COLEC11: variants seen among roughly 807,000 people sequenced by gnomAD.
COLEC11 encodes collectin-11.
COLEC11 carries 20 observed loss-of-function variants against 27.3 expected under a neutral mutation model. The observed-to-expected ratio is 0.73, with a 90% confidence interval of 0.51 to 1.06. The LOEUF is 1.06. Ranked by LOEUF, COLEC11 falls within the 50% of genes least tolerant of loss-of-function variation. COLEC11 has a pLI of 0.00. For synonymous variants in COLEC11, 163 were observed against 154.7 expected (o/e 1.05, Z -0.40); for missense variants, 310 against 383.0 (o/e 0.81, Z 1.59).
At chr2:3,629,887 G>A (rs902708449) in intron 3 of COLEC11, among the ~76,000 whole-genome samples, 2 of 152,194 alleles carry the variant, frequency 1.3e-5, no homozygotes, top group Non-Finnish European at 2.9e-5. Context: ...ATCCACGTAT[G>A]TAGGTTTGTA....
chr2:3,606,557 C>G (rs771937526), intron 2 of COLEC11, among the ~76,000 whole-genome samples: 109 of 152,146 alleles, frequency 7.2e-4, no homozygotes, highest in Non-Finnish European at 1.5e-3. Flanking sequence ...AGTGGTGGCA[C>G]CAGGAGTGGG....
intron 1 of COLEC11, among the ~76,000 whole-genome samples, chr2:3,596,037 T>C (rs1661815245): frequency 6.6e-6 from 1 of 152,156 alleles, no homozygotes; most frequent in South Asian, 2.1e-4. Context: ...TGGGGGAAGA[T>C]AAGAGAGGAT....
In COLEC11 at chr2:3,602,920, T is replaced by C. The variant is rs1440317029; in HGVS notation, c.-26-1395T>C. Among the ~76,000 whole-genome samples, 2 of 152,160 alleles carry C rather than the reference T, an allele frequency of 1.3e-5. No individual in the cohort carries two copies. Among genetic ancestry groups the C allele is most frequent in the East Asian group, 3.9e-4 (2 of 5,176 alleles). On this transcript the variant is annotated intron_variant, in intron 1 of 6. Transcript: ENST00000349077. The surrounding 1 kb of genome is among the most constrained non-coding windows in gnomAD (Gnocchi z 6.2). ...CCCACGGCGCTTACCCCTGCCTCTG[T>C]CTGTCTCTGTCTGTCTGTCTGTCTG...
chr2:3,631,249 TAAAA>T (rs965848055), intron 3 of COLEC11, among the ~76,000 whole-genome samples: 1 of 150,718 alleles, frequency 6.6e-6, no homozygotes, highest in Non-Finnish European at 1.5e-5. Flanking sequence ...AAGAAAAAAT[TAAAA>T]AAAAAGATGC....
At position 3,595,947 on chromosome 2, in the gene COLEC11, T is replaced by C. The variant is rs115105098; in HGVS notation, c.-27+779T>C. Among the ~76,000 whole-genome samples, 1,190 of 152,352 alleles carry C rather than the reference T, an allele frequency of 7.8e-3. 18 individuals are homozygous for C. The highest frequency in any genetic ancestry group is 0.027 in the African/African-American group (1,134 of 41,574). ...GTAGGCAGAGCACTGCCCCAATCTT[T>C]CACAGCTATTCGATTTTGTTTACAA... On this transcript the variant is annotated intron_variant, in intron 1 of 6. Coordinates refer to ENST00000349077, the MANE Select transcript of COLEC11 (RefSeq NM_024027.5).
intron 3 of COLEC11, among the ~76,000 whole-genome samples, chr2:3,629,117 G>A (rs527291014): frequency 6.6e-6 from 1 of 152,318 alleles, no homozygotes; most frequent in South Asian, 2.1e-4. Context: ...CTCATCTGCT[G>A]TCCTTAGAGA....
chr2:3,610,992 C>T (rs1302867590), intron 2 of COLEC11, among the ~76,000 whole-genome samples: 1 of 152,154 alleles, frequency 6.6e-6, no homozygotes, highest in Non-Finnish European at 1.5e-5. Context: ...TCTGACATGT[C>T]TGAGTTACTT....
At chr2:3,628,626 C>T (rs1303907651) in intron 3 of COLEC11, among the ~76,000 whole-genome samples, 3 of 152,208 alleles carry the variant, frequency 2.0e-5, no homozygotes, top group South Asian at 2.1e-4. Flanking sequence ...CCCCCCACCC[C>T]CCATTCGAGG....
chr2:3,619,208 CTCTTTCCTTT>C (rs1280448102), intron 3 of COLEC11, among the ~76,000 whole-genome samples: 1 of 150,276 alleles, frequency 6.7e-6, no homozygotes, highest in Non-Finnish European at 1.5e-5. Flanking sequence ...CTTTCTTTCT[CTCTTTCCTTT>C]TCTTTCCTTT....
intron 3 of COLEC11, among the ~76,000 whole-genome samples, chr2:3,630,734 C>A (rs1432146178): frequency 1.3e-5 from 2 of 152,182 alleles, no homozygotes; most frequent in African/African-American, 4.8e-5. Context: ...CCAACTTTCT[C>A]AAAACCCTCT....
At chr2:3,623,278 G>A (rs141392862) in intron 3 of COLEC11, among the ~76,000 whole-genome samples, 2 of 152,198 alleles carry the variant, frequency 1.3e-5, no homozygotes, top group African/African-American at 4.8e-5. Flanking sequence ...GTTTTCTGTG[G>A]GTTGAACCTA....
At chr2:3,628,343 G>A (rs1664713225) in intron 3 of COLEC11, among the ~76,000 whole-genome samples, 1 of 152,252 alleles carries the variant, frequency 6.6e-6, no homozygotes, top group South Asian at 2.1e-4. Context: ...TATCTATGGA[G>A]GTGGGGCTCT....
chr2:3,641,592 T>C (rs981021586), intron 5 of COLEC11, among the ~76,000 whole-genome samples: 1 of 152,192 alleles, frequency 6.6e-6, no homozygotes, highest in Admixed American at 6.5e-5. Context: ...ACCTCAAACC[T>C]CAGCCAGCTT....
chr2:3,629,432 T>C (rs731034), intron 3 of COLEC11, among the ~76,000 whole-genome samples: 19,924 of 152,272 alleles, frequency 0.13, 1,530 homozygotes, highest in East Asian at 0.32. Flanking sequence ...GCCTAGGTGC[T>C]GACCAACTGT....
At chr2:3,617,386 G>A (rs940815548) in intron 3 of COLEC11, among the ~76,000 whole-genome samples, 4 of 152,094 alleles carry the variant, frequency 2.6e-5, no homozygotes, top group Admixed American at 6.6e-5. Context: ...AGAGACAGGC[G>A]CGGCCTTCGT....
At chr2:3,609,651 T>A (rs1037135665) in intron 2 of COLEC11, among the ~76,000 whole-genome samples, 1 of 152,024 alleles carries the variant, frequency 6.6e-6, no homozygotes, top group African/African-American at 2.4e-5. Flanking sequence ...TGCCTCAGCC[T>A]CCAGAGTAGC....
intron 3 of COLEC11, among the ~76,000 whole-genome samples, chr2:3,624,403 G>A (rs2147917500): frequency 6.6e-6 from 1 of 152,312 alleles, no homozygotes; most frequent in Non-Finnish European, 1.5e-5. Context: ...AGGGTCCATA[G>A]CCTTTCTTCC....
chr2:3,637,496 G>A (rs562527298), intron 3 of COLEC11, 37 bp from the exon 4 acceptor site: 5 of 1,571,716 alleles, frequency 3.2e-6, no homozygotes, highest in Non-Finnish European at 4.4e-6. Flanking sequence ...GGTGTCACCT[G>A]TGCATCGACC....
At chr2:3,638,133 G>A (rs910197619) in intron 4 of COLEC11, among the ~76,000 whole-genome samples, 5 of 152,226 alleles carry the variant, frequency 3.3e-5, no homozygotes, top group African/African-American at 1.2e-4. Context: ...CACCGTCTCC[G>A]CTGCTGCATT....
Sources: gnomAD v4.1 joint callset for allele counts (sites outside exome capture counted in the v4.1 genomes callset) on GRCh38, gnomAD v4.1.1 for gene constraint, Gnocchi (gnomAD v3.1) non-coding constraint, MANE v1.5 for transcripts, NCBI Gene and HGNC (gene_info 2026-07-23, HGNC 2026-07-21) for gene names.